The following SAMMSON variants were observed in gnomAD, a reference collection of about 807,000 sequenced individuals.
SAMMSON encodes long intergenic non-protein coding RNA 1212.
chr3:70,115,515 A>G lies in SAMMSON; in HGVS notation n.507+43950A>G, dbSNP rs567339412. On this transcript the variant is annotated intron_variant and non_coding_transcript_variant, in intron 4 of 9. Transcript: ENST00000642114. The stretch of plus-strand genomic sequence containing the variant: ...GTTTAAATTAAGCTAATTAGGATAC[A>G]AGCATCCACATCTTGTTTAGAGAGT... 7.9e-5 allele frequency among the ~76,000 whole-genome samples: 12 copies of G among 152,274 alleles called. No homozygotes were observed. In the East Asian group the frequency reaches 2.3e-3, roughly 29 times the overall value.
intron 4 of SAMMSON, among the ~76,000 whole-genome samples, chr3:70,243,464 C>T (rs1480899624): frequency 2.6e-5 from 4 of 152,170 alleles, no homozygotes; most frequent in Admixed American, 6.5e-5. Context: ...TTAAATCCTA[C>T]TCACTGCACT....
At chr3:70,275,736 C>A (rs1426018418) in intron 6 of SAMMSON, among the ~76,000 whole-genome samples, 1 of 152,028 alleles carries the variant, frequency 6.6e-6, no homozygotes, top group East Asian at 1.9e-4. Flanking sequence ...TTGTGAAGTA[C>A]AATTAAATAA....
At chr3:70,013,058 T>C (rs148742637) in intron 2 of SAMMSON, among the ~76,000 whole-genome samples, 106 of 152,324 alleles carry the variant, frequency 7.0e-4, no homozygotes, top group African/African-American at 2.4e-3. Context: ...CAGTTAATTT[T>C]GGTTTTCCTA....
At chr3:70,091,146 C>T (rs566020773) in intron 4 of SAMMSON, among the ~76,000 whole-genome samples, 6 of 152,116 alleles carry the variant, frequency 3.9e-5, no homozygotes, top group African/African-American at 1.4e-4. Flanking sequence ...TGACCTAACA[C>T]GTGACCCAAG....
chr3:70,398,239 A>G (rs1701108489), intron 2 of SAMMSON, among the ~76,000 whole-genome samples: 1 of 152,204 alleles, frequency 6.6e-6, no homozygotes, highest in South Asian at 2.1e-4. Flanking sequence ...ATTTACTCAT[A>G]TTGGCTTTAT....
In SAMMSON at chr3:70,116,515, G is replaced by GT. The variant is rs1001423705; in HGVS notation, n.507+44959dup. On this transcript the variant is annotated intron_variant and non_coding_transcript_variant, in intron 4 of 9. Transcript: ENST00000642114. Reference sequence around the variant, plus strand: ...AATTTTCTAATGAAAGCCAGTGACAGTTTTTTTTTATTTGGTTCTAAGTTT... The same window carrying GT: ...AATTTTCTAATGAAAGCCAGTGACAGTTTTTTTTTTATTTGGTTCTAAGTTT... Among the ~76,000 whole-genome samples the GT allele has an allele frequency of 5.6e-4, 85 of 151,126 alleles. No homozygotes were observed. The South Asian group carries it at 0.011, about 19-fold the overall frequency.
chr3:70,370,065 A>C (rs945316217), intron 9 of SAMMSON, among the ~76,000 whole-genome samples: 2 of 151,718 alleles, frequency 1.3e-5, no homozygotes, highest in Non-Finnish European at 3.0e-5. Context: ...GTGAGAACTC[A>C]TATCTCTCTG....
chr3:70,032,983 G>GA (rs1361480990), intron 3 of SAMMSON, among the ~76,000 whole-genome samples: 3 of 152,124 alleles, frequency 2.0e-5, no homozygotes, highest in Admixed American at 1.3e-4. Flanking sequence ...CTGACACACT[G>GA]AGAGTGTGAG....
At chr3:70,117,034 C>A (rs1239947743) in intron 4 of SAMMSON, among the ~76,000 whole-genome samples, 5 of 152,084 alleles carry the variant, frequency 3.3e-5, no homozygotes, top group Admixed American at 6.6e-5. Context: ...GAGCAAAAAC[C>A]TTAATTGCTT....
intron 4 of SAMMSON, among the ~76,000 whole-genome samples, chr3:70,194,235 A>G (rs1308065145): frequency 2.0e-5 from 3 of 152,218 alleles, no homozygotes; most frequent in Non-Finnish European, 2.9e-5. Context: ...TCTCTTTTAT[A>G]AGAGTGTGCT....
intron 4 of SAMMSON, among the ~76,000 whole-genome samples, chr3:70,088,809 TTGGTTA>T (rs1331348210): frequency 6.6e-6 from 1 of 152,184 alleles, no homozygotes; most frequent in Non-Finnish European, 1.5e-5. Flanking sequence ...AGCCTCTCTA[TTGGTTA>T]TGATTTTCTC....
At chr3:70,048,611 G>A (rs962177316) in intron 3 of SAMMSON, among the ~76,000 whole-genome samples, 5 of 151,998 alleles carry the variant, frequency 3.3e-5, no homozygotes, top group Non-Finnish European at 5.9e-5. Flanking sequence ...CTCACTGATT[G>A]CTCATGCTAA....
At chr3:70,295,662 A>G (rs1702282986) in intron 7 of SAMMSON, among the ~76,000 whole-genome samples, 1 of 152,198 alleles carries the variant, frequency 6.6e-6, no homozygotes, top group South Asian at 2.1e-4. Context: ...ATTGCCCTCC[A>G]GCTTGAGTGA....
rs1040630950 is a variant in SAMMSON at position 70,039,484 on chromosome 3, T to C, written n.417+25812T>C. On this transcript the variant is annotated intron_variant and non_coding_transcript_variant, in intron 3 of 9. Coordinates refer to ENST00000642114, the Ensembl canonical transcript of SAMMSON. ...CTACAGACTGCCTTTGAACTTTATC[T>C]GCACCATGAGCTCTCCTGGGTCTCC... Among the ~76,000 whole-genome samples, 4 of 152,114 alleles carry C rather than the reference T, an allele frequency of 2.6e-5. No homozygotes were observed. The East Asian group carries it at 7.8e-4, about 29-fold the overall frequency.
At chr3:70,401,705 T>C (rs1678251226) in intron 2 of SAMMSON, among the ~76,000 whole-genome samples, 1 of 152,194 alleles carries the variant, frequency 6.6e-6, no homozygotes, top group African/African-American at 2.4e-5. Flanking sequence ...TATTCCTTGC[T>C]AAAAGAAATA....
At chr3:70,415,870 C>T (rs527777743) in intron 2 of SAMMSON, among the ~76,000 whole-genome samples, 95 of 152,240 alleles carry the variant, frequency 6.2e-4, no homozygotes, top group African/African-American at 2.2e-3. Flanking sequence ...TACAAATGAC[C>T]TTTTAAAACA....
intron 2 of SAMMSON, among the ~76,000 whole-genome samples, chr3:70,410,766 G>A (rs904744082): frequency 2.0e-5 from 3 of 152,074 alleles, no homozygotes; most frequent in Non-Finnish European, 2.9e-5. Flanking sequence ...GCCTACTGCC[G>A]TAAATAGAAA....
intron 4 of SAMMSON, among the ~76,000 whole-genome samples, chr3:70,147,542 C>T (rs79451189): frequency 0.037 from 5,694 of 152,032 alleles, 158 homozygotes; most frequent in East Asian, 0.082. Flanking sequence ...AAAGATGAAG[C>T]AATTCTTTGG....
intron 7 of SAMMSON, among the ~76,000 whole-genome samples, chr3:70,347,891 A>G (rs577226205): frequency 6.6e-6 from 1 of 152,236 alleles, no homozygotes; most frequent in South Asian, 2.1e-4. Flanking sequence ...CAAAATACAA[A>G]AATTAGCCAG....
Sources: gnomAD v4.1 joint callset for allele counts (sites outside exome capture counted in the v4.1 genomes callset) on GRCh38, gnomAD v4.1.1 for gene constraint, MANE v1.5 for transcripts, NCBI Gene and HGNC (gene_info 2026-07-23, HGNC 2026-07-21) for gene names.